The following WWOX variants were observed in gnomAD, a reference collection of about 807,000 sequenced individuals.
WWOX encodes WW domain-containing oxidoreductase.
A neutral mutation model predicts 46.2 loss-of-function variants in WWOX; 69 were observed. That is an observed-to-expected ratio of 1.49 (90% CI 1.23 to 1.82). The LOEUF (loss-of-function observed/expected upper bound fraction) is 1.82. Ranked by LOEUF, WWOX falls within the 40% of genes most tolerant of loss-of-function variation. The pLI is 0.00. For synonymous variants in WWOX, 359 were observed against 202.6 expected (o/e 1.77, Z -6.56); for missense variants, 919 against 542.6 (o/e 1.69, Z -6.89).
At chr16:78,265,174 T>C (rs1030408474) in intron 5 of WWOX, among the ~76,000 whole-genome samples, 1 of 151,890 alleles carries the variant, frequency 6.6e-6, no homozygotes, top group African/African-American at 2.4e-5. Context: ...CTAATTTTTG[T>C]ATTTTTGGTA....
At chr16:78,497,193 C>G (rs2084937975) in intron 8 of WWOX, among the ~76,000 whole-genome samples, 2 of 151,998 alleles carry the variant, frequency 1.3e-5, no homozygotes, top group Admixed American at 6.6e-5. Flanking sequence ...AGCATATGCA[C>G]ATGAGGAAGT....
At chr16:79,193,515 G>A (rs764080431) in intron 8 of WWOX, among the ~76,000 whole-genome samples, 2 of 152,212 alleles carry the variant, frequency 1.3e-5, no homozygotes, top group African/African-American at 2.4e-5. Flanking sequence ...TCTTCAGGGA[G>A]ACCTCAGAGT....
At chr16:79,171,469 C>G (rs6564652) in intron 8 of WWOX, among the ~76,000 whole-genome samples, 98,473 of 152,090 alleles carry the variant, frequency 0.65, 34,072 homozygotes, top group East Asian at 0.91. Flanking sequence ...TTGTCGGTGT[C>G]ATCTTTCACA....
At chr16:78,790,898 G>A (rs566361612) in intron 8 of WWOX, among the ~76,000 whole-genome samples, 1 of 150,988 alleles carries the variant, frequency 6.6e-6, no homozygotes, top group Admixed American at 6.6e-5. Context: ...GCTTGCTTGT[G>A]GTCCCAGCTA....
intron 8 of WWOX, among the ~76,000 whole-genome samples, chr16:78,563,168 A>C (rs1342952243): frequency 6.6e-6 from 1 of 152,234 alleles, no homozygotes; most frequent in Non-Finnish European, 1.5e-5. Flanking sequence ...GATGTCTGCA[A>C]TCAAGATGAT....
chr16:78,833,155 C>A (rs1029516038), intron 8 of WWOX, among the ~76,000 whole-genome samples: 22 of 152,108 alleles, frequency 1.4e-4, no homozygotes, highest in African/African-American at 5.1e-4. Flanking sequence ...GATCCTCCAG[C>A]CTCTGCCTGC....
At chr16:78,120,067 A>G (rs541119625) in intron 4 of WWOX, among the ~76,000 whole-genome samples, 2 of 152,268 alleles carry the variant, frequency 1.3e-5, no homozygotes, top group East Asian at 1.9e-4. Context: ...AGCTGGCCAC[A>G]CTGGTAAATA....
chr16:78,315,929 C>A (rs1034328076), intron 5 of WWOX, among the ~76,000 whole-genome samples: 1 of 152,054 alleles, frequency 6.6e-6, no homozygotes, highest in East Asian at 1.9e-4. Flanking sequence ...TCAGGTTTCT[C>A]GTTTTCTTTT....
At chr16:78,401,890 G>T (rs2082422360) in intron 6 of WWOX, among the ~76,000 whole-genome samples, 1 of 151,978 alleles carries the variant, frequency 6.6e-6, no homozygotes, top group East Asian at 1.9e-4. Context: ...AGTAGACACG[G>T]GGTTTCACCA....
rs974023190 is a variant in WWOX at position 78,680,529 on chromosome 16, AAAAC to A, written c.1056+247789_1056+247792del. On this transcript the variant is annotated intron_variant, in intron 8 of 8. Coordinates refer to ENST00000566780, the MANE Select transcript of WWOX (RefSeq NM_016373.4). Reference sequence around the variant, plus strand: ...ACAGGGACTCTGTCTCAAAGGAAAGAAAACAAACAAACAAAAAGCCATGTAGAGC... The same window carrying A: ...ACAGGGACTCTGTCTCAAAGGAAAGAAAACAAACAAAAAGCCATGTAGAGC... Among the ~76,000 whole-genome samples the A allele has an allele frequency of 3.2e-4, 49 of 152,300 alleles. No homozygotes were observed. The South Asian group carries it at 3.7e-3, about 12-fold the overall frequency.
chr16:78,627,383 G>A (rs949856877), intron 8 of WWOX, among the ~76,000 whole-genome samples: 2 of 152,154 alleles, frequency 1.3e-5, no homozygotes, highest in South Asian at 2.1e-4. Context: ...AAACTTGGGC[G>A]ATTCAGTTTT....
chr16:78,191,949 A>C (rs1441793538), intron 5 of WWOX, among the ~76,000 whole-genome samples: 34 of 152,344 alleles, frequency 2.2e-4, no homozygotes, highest in Non-Finnish European at 1.5e-5. Flanking sequence ...GAACACTAAA[A>C]TTGGATGAGG....
At chr16:78,577,984 T>C (rs1426265313) in intron 8 of WWOX, among the ~76,000 whole-genome samples, 1 of 151,962 alleles carries the variant, frequency 6.6e-6, no homozygotes, top group Admixed American at 6.6e-5. Context: ...CACAAGAACA[T>C]TTGTCACCTA....
chr16:78,481,664 T>A (rs1013368381), intron 8 of WWOX, among the ~76,000 whole-genome samples: 1 of 150,872 alleles, frequency 6.6e-6, no homozygotes, highest in Non-Finnish European at 1.5e-5. Context: ...TTCCCAACAA[T>A]TTGGCTGTAT....
chr16:78,503,187 C>G (rs1306539077), intron 8 of WWOX, among the ~76,000 whole-genome samples: 1 of 152,148 alleles, frequency 6.6e-6, no homozygotes, highest in Non-Finnish European at 1.5e-5. Flanking sequence ...AGGAAATTCC[C>G]TTTAAGCTGC....
Position 78,343,083 on chromosome 16 carries a change from G to A in WWOX, c.517-43777G>A, listed in dbSNP as rs182584218. On this transcript the variant is annotated intron_variant, in intron 5 of 8. Coordinates refer to ENST00000566780, the MANE Select transcript of WWOX (RefSeq NM_016373.4). ...CACGCAACATTCCCACTGCCATGTT[G>A]GCTTGTTTTTCTTTTGTTTTCTTGT... Among the ~76,000 whole-genome samples the A allele has an allele frequency of 2.5e-5, 3 of 121,206 alleles. 1 individual carries two copies. The highest frequency in any genetic ancestry group is 2.4e-4 in the Admixed American group (3 of 12,510). 79.5% of individuals were successfully genotyped at this position (121,206 alleles called of 152,430 possible). A position where few individuals can be genotyped will look rare whatever the true frequency, so the allele number is the denominator to read the frequency against.
chr16:78,223,980 G>A (rs1439510408), intron 5 of WWOX, among the ~76,000 whole-genome samples: 1 of 152,140 alleles, frequency 6.6e-6, no homozygotes, highest in Non-Finnish European at 1.5e-5. Context: ...GAAAGGAAGA[G>A]ACCAAAGGTG....
chr16:78,547,444 G>T (rs1202925064), intron 8 of WWOX, among the ~76,000 whole-genome samples: 3 of 152,196 alleles, frequency 2.0e-5, no homozygotes, highest in Non-Finnish European at 4.4e-5. Flanking sequence ...GTGGTGAAGT[G>T]TGATTGCTGG....
At chr16:79,047,580 T>G (rs1024778069) in intron 8 of WWOX, among the ~76,000 whole-genome samples, 1 of 151,894 alleles carries the variant, frequency 6.6e-6, no homozygotes, top group African/African-American at 2.4e-5. Flanking sequence ...TGTAACAGAT[T>G]ACTACAAATT....
Sources: gnomAD v4.1 joint callset for allele counts (sites outside exome capture counted in the v4.1 genomes callset) on GRCh38, gnomAD v4.1.1 for gene constraint, MANE v1.5 for transcripts, NCBI Gene and HGNC (gene_info 2026-07-23, HGNC 2026-07-21) for gene names.